The following PDE4D variants were observed in gnomAD, a reference collection of about 807,000 sequenced individuals.
PDE4D encodes the protein phosphodiesterase 4D.
In PDE4D, 24 loss-of-function variants were observed where a neutral mutation model predicts 87.4. The ratio of observed to expected loss-of-function variants is 0.27; its 90% CI spans 0.20 to 0.39. The LOEUF (loss-of-function observed/expected upper bound fraction) is 0.39, where lower values mean the gene tolerates loss of function less well. PDE4D is among the 10% of genes least tolerant of loss of function. The probability of loss-of-function intolerance (pLI) is 1.00; values close to 1 mark genes in which losing one functional copy is unlikely to be tolerated. For missense variants in PDE4D, 714 were observed against 1,041.0 expected (o/e 0.69, Z 4.32); for synonymous variants, 384 against 383.2 (o/e 1.00, Z -0.02).
intron 1 of PDE4D, among the ~76,000 whole-genome samples, chr5:59,455,431 G>A (rs537227732): frequency 6.6e-6 from 1 of 152,358 alleles, no homozygotes; most frequent in South Asian, 2.1e-4. Flanking sequence ...CAGGTGCACA[G>A]AAGTCAAGAA....
chr5:59,087,791 G>A (rs1268423212), intron 5 of PDE4D, among the ~76,000 whole-genome samples: 1 of 151,968 alleles, frequency 6.6e-6, no homozygotes, highest in Admixed American at 6.6e-5. Flanking sequence ...TGCAATATTT[G>A]CTCGAACTAT....
chr5:59,758,223 C>T (rs1761523448), intron 1 of PDE4D, among the ~76,000 whole-genome samples: 1 of 152,160 alleles, frequency 6.6e-6, no homozygotes. Flanking sequence ...TTCTGGGCCT[C>T]AGCAGCTGCA....
At chr5:59,935,365 G>T (rs904537489) in intron 3 of PDE4D, among the ~76,000 whole-genome samples, 9 of 152,112 alleles carry the variant, frequency 5.9e-5, no homozygotes, top group African/African-American at 2.2e-4. Flanking sequence ...TAGGAAGGTT[G>T]AGGTGATTTA....
chr5:60,209,079 G>A (rs1436137267), intron 1 of PDE4D, among the ~76,000 whole-genome samples: 3 of 152,026 alleles, frequency 2.0e-5, no homozygotes, highest in Middle Eastern at 3.2e-3. Flanking sequence ...TTTTCACTGA[G>A]CTGGAAGAGA....
intron 1 of PDE4D, among the ~76,000 whole-genome samples, chr5:59,346,380 A>G (rs777389217): frequency 3.3e-5 from 5 of 152,180 alleles, no homozygotes; most frequent in Admixed American, 6.5e-5. Flanking sequence ...TAAATAGCAA[A>G]GAAAGAGAAT....
chr5:59,650,940 AT>A (rs1219103518), intron 1 of PDE4D, among the ~76,000 whole-genome samples: 2 of 152,198 alleles, frequency 1.3e-5, no homozygotes, highest in African/African-American at 4.8e-5. Context: ...GTATAAATTC[AT>A]TAATAAACTT....
intron 1 of PDE4D, among the ~76,000 whole-genome samples, chr5:60,350,331 T>C (rs1015137460): frequency 3.3e-5 from 5 of 152,172 alleles, no homozygotes; most frequent in African/African-American, 1.2e-4. Context: ...AGGCTTTCCT[T>C]GTCAAGATCT....
At chr5:59,408,909 G>A (rs1458531728) in intron 1 of PDE4D, among the ~76,000 whole-genome samples, 1 of 152,074 alleles carries the variant, frequency 6.6e-6, no homozygotes, top group Non-Finnish European at 1.5e-5. Context: ...CACTTTGGGC[G>A]GCTGAGACAG....
At chr5:59,812,231 T>A (rs1768437932) in intron 1 of PDE4D, among the ~76,000 whole-genome samples, 1 of 152,206 alleles carries the variant, frequency 6.6e-6, no homozygotes, top group South Asian at 2.1e-4. Context: ...CTGAAAGGCA[T>A]CTCCTTTTAT....
chr5:59,844,176 G>A (rs1426042527), intron 1 of PDE4D, among the ~76,000 whole-genome samples: 1 of 151,954 alleles, frequency 6.6e-6, no homozygotes, highest in African/African-American at 2.4e-5. Flanking sequence ...ATTTGTTTTT[G>A]CAAGTACCAT....
intron 1 of PDE4D, among the ~76,000 whole-genome samples, chr5:59,506,636 T>C (rs188743859): frequency 1.1e-4 from 17 of 152,058 alleles, no homozygotes; most frequent in African/African-American, 3.9e-4. Context: ...GCTAGCTAAA[T>C]GGAGGAATAG....
At chr5:59,531,006 A>T (rs1400032996) in intron 1 of PDE4D, among the ~76,000 whole-genome samples, 1 of 152,192 alleles carries the variant, frequency 6.6e-6, no homozygotes, top group Admixed American at 6.5e-5. Flanking sequence ...GGTGTATTGA[A>T]TTTCTTAATG....
chr5:60,462,658 G>A (rs1747044319), intron 1 of PDE4D, among the ~76,000 whole-genome samples: 2 of 152,134 alleles, frequency 1.3e-5, no homozygotes, highest in Non-Finnish European at 2.9e-5. Flanking sequence ...AACAGGTGAG[G>A]CCAGGACTGT....
chr5:59,053,645 G>GTTTTTTTTTTTTTTTTTTTTTTTTTTT (rs1338731940), intron 5 of PDE4D, among the ~76,000 whole-genome samples: 2 of 68,794 alleles, frequency 2.9e-5, no homozygotes, highest in East Asian at 6.2e-4. Flanking sequence ...TTTGTTTTTT[G>GTTTTTTTTTTTTTTTTTTTTTTTTTTT]TTTTTTTTTG....
intron 1 of PDE4D, among the ~76,000 whole-genome samples, chr5:59,814,714 C>A (rs921438913): frequency 6.6e-6 from 1 of 152,192 alleles, no homozygotes; most frequent in Non-Finnish European, 1.5e-5. Flanking sequence ...CAGGCAGGGG[C>A]TTAGGGCTCT....
intron 3 of PDE4D, among the ~76,000 whole-genome samples, chr5:59,967,663 C>A (rs1760198936): frequency 6.6e-6 from 1 of 152,136 alleles, no homozygotes. Flanking sequence ...GTAAATTAGT[C>A]CAGTTATTTT....
intron 1 of PDE4D, among the ~76,000 whole-genome samples, chr5:59,635,537 C>T (rs1046706827): frequency 1.3e-5 from 2 of 152,170 alleles, no homozygotes; most frequent in African/African-American, 4.8e-5. Flanking sequence ...AAAGCTTATC[C>T]ACCACGATCA....
chr5:59,651,742 C>CAGAAAGAA (rs1743536278), intron 1 of PDE4D, among the ~76,000 whole-genome samples: 1 of 151,684 alleles, frequency 6.6e-6, no homozygotes, highest in South Asian at 2.1e-4. Context: ...GATTAGGAGA[C>CAGAAAGAA]AGAAAGAAAG....
intron 2 of PDE4D, among the ~76,000 whole-genome samples, chr5:60,100,318 A>G (rs1015094122): frequency 5.3e-5 from 8 of 152,018 alleles, no homozygotes; most frequent in African/African-American, 1.4e-4. Context: ...GTGAAGGAGG[A>G]ATAGATGGGA....
Sources: allele counts gnomAD v4.1 joint callset (sites outside exome capture counted in the v4.1 genomes callset), GRCh38; gene constraint gnomAD v4.1.1; transcripts MANE v1.5; gene names NCBI Gene and HGNC (gene_info 2026-07-23, HGNC 2026-07-21).